The following LMNTD1 variants were observed in gnomAD, a reference collection of about 807,000 sequenced individuals.
The protein encoded by LMNTD1 is lamin tail domain-containing protein 1.
Under a neutral mutation model 50.9 loss-of-function variants are expected in LMNTD1, and 35 were observed. That is an observed-to-expected ratio of 0.69 (90% CI 0.53 to 0.91). LMNTD1 has a LOEUF of 0.91. Among genes scored for constraint, LMNTD1 ranks in the 40% least tolerant of loss-of-function variants. The probability of loss-of-function intolerance (pLI) is 0.00; values close to 1 mark genes in which losing one functional copy is unlikely to be tolerated. For missense variants in LMNTD1, 470 were observed against 475.5 expected, an observed-to-expected ratio of 0.99 and a Z score of 0.11; for synonymous variants, 153 against 161.9, an observed-to-expected ratio of 0.94 and a Z score of 0.42.
At chr12:25,564,493 G>A (rs987768655) in intron 1 of LMNTD1, among the ~76,000 whole-genome samples, 8 of 152,138 alleles carry the variant, frequency 5.3e-5, no homozygotes, top group African/African-American at 9.7e-5. Context: ...TCCTGACCTC[G>A]TGATCCACCT....
At chr12:25,564,673 C>A (rs1944480204) in intron 1 of LMNTD1, among the ~76,000 whole-genome samples, 1 of 152,118 alleles carries the variant, frequency 6.6e-6, no homozygotes, top group Admixed American at 6.6e-5. Flanking sequence ...GAGAATGATC[C>A]ATGTGCTGAG....
chr12:25,579,728 A>G (rs1945196787), intron 1 of LMNTD1, among the ~76,000 whole-genome samples: 1 of 152,116 alleles, frequency 6.6e-6, no homozygotes, highest in South Asian at 2.1e-4. Context: ...CTTTGGACTC[A>G]TTCTTGATTC....
intron 4 of LMNTD1, among the ~76,000 whole-genome samples, chr12:25,528,891 A>T (rs1942015771): frequency 6.6e-6 from 1 of 152,128 alleles, no homozygotes; most frequent in Non-Finnish European, 1.5e-5. Context: ...TACCACCTTA[A>T]AAAAGAAAAA....
intron 1 of LMNTD1, among the ~76,000 whole-genome samples, chr12:25,588,926 C>T (rs1263629140): frequency 6.6e-6 from 1 of 152,120 alleles, no homozygotes; most frequent in Admixed American, 6.6e-5. Flanking sequence ...ATTAAAATCA[C>T]AATGAGATAC....
intron 1 of LMNTD1, among the ~76,000 whole-genome samples, chr12:25,613,703 C>T (rs1247912766): frequency 6.6e-6 from 1 of 152,040 alleles, no homozygotes; most frequent in African/African-American, 2.4e-5. Context: ...ATTAAATTAG[C>T]TTATTAGAAA....
At chr12:25,632,315 A>C (rs1946736523) in intron 1 of LMNTD1, among the ~76,000 whole-genome samples, 1 of 152,240 alleles carries the variant, frequency 6.6e-6, no homozygotes, top group Admixed American at 6.5e-5. Flanking sequence ...AATTCATTGC[A>C]AAAAGCTCTC....
At chr12:25,526,248 A>C in intron 5 of LMNTD1, 30 bp from the exon 6 acceptor site, 1 of 1,599,548 alleles carries the variant, frequency 6.3e-7, no homozygotes, top group East Asian at 2.2e-5. Context: ...GACAAATGCC[A>C]CTGGAGTTGA....
At chr12:25,640,134 G>C (rs1348786736) in intron 1 of LMNTD1, among the ~76,000 whole-genome samples, 2 of 152,134 alleles carry the variant, frequency 1.3e-5, no homozygotes, top group Non-Finnish European at 2.9e-5. Context: ...ATTGCCTCAA[G>C]CTAGGTGACT....
chr12:25,640,813 C>A (rs757239368), intron 1 of LMNTD1, among the ~76,000 whole-genome samples: 12 of 152,042 alleles, frequency 7.9e-5, no homozygotes, highest in Non-Finnish European at 1.6e-4. Flanking sequence ...CAGGTGCCCA[C>A]CACCATGCCT....
chr12:25,613,670 G>T (rs1946294054), intron 1 of LMNTD1, among the ~76,000 whole-genome samples: 1 of 152,166 alleles, frequency 6.6e-6, no homozygotes, highest in South Asian at 2.1e-4. Context: ...AGGGAATTAA[G>T]AGATGATTGA....
intron 1 of LMNTD1, among the ~76,000 whole-genome samples, chr12:25,594,766 C>T (rs1372866312): frequency 1.3e-5 from 2 of 151,630 alleles, no homozygotes; most frequent in African/African-American, 2.4e-5. Flanking sequence ...CCTAAACGCT[C>T]CACTTAAAAG....
intron 1 of LMNTD1, among the ~76,000 whole-genome samples, chr12:25,594,394 T>C (rs1945787604): frequency 6.6e-6 from 1 of 152,092 alleles, no homozygotes; most frequent in South Asian, 2.1e-4. Flanking sequence ...CTAGAAGGGA[T>C]TGGGGCCCTA....
Position 25,503,727 on chromosome 12 carries a change from C to T in LMNTD1, c.*22+11G>A, listed in dbSNP as rs1465162269. The T allele has an allele frequency of 6.8e-7, 1 of 1,473,612 alleles. No homozygotes were observed. The highest frequency in any genetic ancestry group is 9.4e-7 in the Non-Finnish European group (1 of 1,063,462). The allele number at this position is 1,473,612 out of a possible 1,614,324, so 91.3% of individuals were successfully genotyped here. A position where few individuals can be genotyped will look rare whatever the true frequency, so the allele number is the denominator to read the frequency against. On this transcript the variant is annotated intron_variant, in intron 9 of 9. Coordinates refer to ENST00000458174, the MANE Select transcript of LMNTD1 (RefSeq NM_001145728.2). Reference sequence around the variant, plus strand: ...CTGTGGAGAAAGCAAATTTGCAATACAGTTACTTACCTTTAAAGGTTGAGT... The same window carrying T: ...CTGTGGAGAAAGCAAATTTGCAATATAGTTACTTACCTTTAAAGGTTGAGT...
In LMNTD1 at chr12:25,615,184, G is replaced by A. The variant is rs377371855; in HGVS notation, c.58+33310C>T. On this transcript the variant is annotated intron_variant, in intron 1 of 7. Transcript: ENST00000445693. The stretch of plus-strand genomic sequence containing the variant: ...AGAACAAGCTTCTTGCTCACGAGAT[G>A]AGAGATGGGGATGGGTGAATGCAGA... 3.3e-5 allele frequency among the ~76,000 whole-genome samples: 5 copies of A among 152,280 alleles called. No individual in the cohort carries two copies. In the East Asian group the frequency reaches 7.7e-4, roughly 24 times the overall value.
intron 8 of LMNTD1, among the ~76,000 whole-genome samples, chr12:25,512,353 G>C (rs945672897): frequency 6.6e-6 from 1 of 152,218 alleles, no homozygotes; most frequent in Non-Finnish European, 1.5e-5. Context: ...TTGCTTTAGG[G>C]AGCAAAGGAG....
intron 9 of LMNTD1, among the ~76,000 whole-genome samples, chr12:25,489,650 C>T (rs1333102828): frequency 6.6e-6 from 1 of 152,048 alleles, no homozygotes; most frequent in Admixed American, 6.6e-5. Context: ...CTTGGCTCCT[C>T]CCCTCTCAGT....
chr12:25,603,523 G>A (rs1946024863), intron 1 of LMNTD1, among the ~76,000 whole-genome samples: 1 of 152,014 alleles, frequency 6.6e-6, no homozygotes, highest in Non-Finnish European at 1.5e-5. Flanking sequence ...TCTAGAACCA[G>A]ATTAATACAC....
chr12:25,613,412 C>T (rs555575463), intron 1 of LMNTD1, among the ~76,000 whole-genome samples: 2 of 152,240 alleles, frequency 1.3e-5, no homozygotes, highest in East Asian at 3.9e-4. Flanking sequence ...GCCTTGGTTT[C>T]CTGAGGTTAA....
At position 25,648,540 on chromosome 12, in the gene LMNTD1, T is replaced by G. The variant is rs751173513; in HGVS notation, c.12A>C (p.Pro4=). The change falls in exon 1 of 8, where the codon CCA becomes CCC. Residue 4 remains proline (P), a synonymous_variant. Coordinates refer to the LMNTD1 transcript ENST00000445693. ...AAACACCGATGTCTCCTGCTCTCAC[T>G]GGCTGTTGCATGTAGTGTCCTTAAG... 46 of 1,551,548 alleles carry G rather than the reference T, an allele frequency of 3.0e-5. 1 individual carries two copies. The South Asian group carries it at 5.2e-4, about 18-fold the overall frequency.
Sources: gnomAD v4.1 joint callset for allele counts (sites outside exome capture counted in the v4.1 genomes callset) on GRCh38, gnomAD v4.1.1 for gene constraint, MANE v1.5 for transcripts, NCBI Gene and HGNC (gene_info 2026-07-23, HGNC 2026-07-21) for gene names.